SORCS1: variants seen among roughly 807,000 people sequenced by gnomAD.
SORCS1 encodes sortilin related VPS10 domain containing receptor 1, also known as VPS10 domain-containing receptor SorCS1.
SORCS1 carries 60 observed loss-of-function variants against 146.1 expected under a neutral mutation model. That is an observed-to-expected ratio of 0.41 (90% confidence interval 0.33 to 0.51). SORCS1 has a LOEUF of 0.51. SORCS1 is among the 20% of genes least tolerant of loss of function. The pLI, the probability that SORCS1 is intolerant of heterozygous loss-of-function variation, is 0.21. For synonymous variants in SORCS1, 637 were observed against 584.0 expected (o/e 1.09, Z -1.31); for missense variants, 1,352 against 1,487.6 (o/e 0.91, Z 1.50).
intron 3 of SORCS1, among the ~76,000 whole-genome samples, chr10:106,821,943 A>G (rs1948054500): frequency 6.6e-6 from 1 of 151,924 alleles, no homozygotes; most frequent in Non-Finnish European, 1.5e-5. Context: ...AAAAAAAAAA[A>G]GTACTTAATG....
At chr10:107,120,756 GA>G (rs1966355792) in intron 1 of SORCS1, among the ~76,000 whole-genome samples, 1 of 152,172 alleles carries the variant, frequency 6.6e-6, no homozygotes, top group Non-Finnish European at 1.5e-5. Context: ...TGCTACAACT[GA>G]AAATGCGGAA....
chr10:107,019,150 T>C lies in SORCS1; in HGVS notation c.559-62570A>G, dbSNP rs1476016458. ...CACATAAATATATGATGCAGACTAGTGGGTAAACTGTATTTGTAGATTGTA... is the reference window on the plus strand; with the variant it reads ...CACATAAATATATGATGCAGACTAGCGGGTAAACTGTATTTGTAGATTGTA... On this transcript the variant is annotated intron_variant, in intron 1 of 25. Coordinates refer to ENST00000263054, the MANE Select transcript of SORCS1 (RefSeq NM_052918.5). Among the ~76,000 whole-genome samples, 4 of 152,336 alleles carry C rather than the reference T, an allele frequency of 2.6e-5. No individual in the cohort carries two copies. In the East Asian group the frequency reaches 7.7e-4, roughly 29 times the overall value.
At position 107,093,074 on chromosome 10, in the gene SORCS1, T is replaced by C. The variant is rs145562002; in HGVS notation, c.558+70895A>G. Among the ~76,000 whole-genome samples, 27 of 152,284 alleles carry C rather than the reference T, an allele frequency of 1.8e-4. No individual in the cohort carries two copies. In the East Asian group the frequency reaches 5.2e-3, roughly 29 times the overall value. ...CAAAAGCCTCATGCAGCTTATGCTT[T>C]AGTGGAATTCTTCAAGATTCCATTG... On this transcript the variant is annotated intron_variant, in intron 1 of 25. Coordinates refer to ENST00000263054, the MANE Select transcript of SORCS1 (RefSeq NM_052918.5).
In SORCS1 at chr10:106,577,525, A is replaced by G; in HGVS notation, c.3402T>C (p.Pro1134=). The G allele has an allele frequency of 1.1e-6, 1 of 940,672 alleles. No individual in the cohort carries two copies. The highest frequency in any genetic ancestry group is 1.6e-6 in the Non-Finnish European group (1 of 621,960). 58.3% of individuals were successfully genotyped at this position (940,672 alleles called of 1,614,324 possible). ...RRVALPSPPS[P]STQPGDSSLR... ...GAGATGAGTCACCAGGTTGAGTAGAAGGGGAGGGAGGGGAGGGTAAAGCTA... is the reference window on the plus strand; with the variant it reads ...GAGATGAGTCACCAGGTTGAGTAGAGGGGGAGGGAGGGGAGGGTAAAGCTA... Residue 1134 remains proline (P), a synonymous_variant, in exon 26 of 26, where the codon CCT becomes CCC. Coordinates refer to ENST00000263054, the MANE Select transcript of SORCS1 (RefSeq NM_052918.5).
At chr10:106,778,285 A>G (rs1860617445) in intron 3 of SORCS1, among the ~76,000 whole-genome samples, 1 of 152,130 alleles carries the variant, frequency 6.6e-6, no homozygotes, top group African/African-American at 2.4e-5. Flanking sequence ...TGCTGTTGCT[A>G]TCAGCTACAC....
intron 18 of SORCS1, among the ~76,000 whole-genome samples, chr10:106,636,095 T>A (rs894531190): frequency 6.6e-6 from 1 of 151,666 alleles, no homozygotes; most frequent in Non-Finnish European, 1.5e-5. Flanking sequence ...AAAGTGAGAG[T>A]GCAAGTAAGA....
intron 3 of SORCS1, among the ~76,000 whole-genome samples, chr10:106,803,224 C>T (rs1335063079): frequency 6.6e-6 from 1 of 152,096 alleles, no homozygotes; most frequent in Non-Finnish European, 1.5e-5. Flanking sequence ...AAATGAAAAT[C>T]GTGGTTCAAG....
In SORCS1 at chr10:107,038,709, G is replaced by T. The variant is rs907171979; in HGVS notation, c.559-82129C>A. The stretch of plus-strand genomic sequence containing the variant: ...CTGGGCAGGGGGCGGGGGGGGAGGT[G>T]GTAGTGGTGAGGACTAAATGAGATA... On this transcript the variant is annotated intron_variant, in intron 1 of 25. Transcript: ENST00000263054. Among the ~76,000 whole-genome samples, 4 of 151,486 alleles carry T rather than the reference G, an allele frequency of 2.6e-5. 1 individual carries two copies. Among genetic ancestry groups the T allele is most frequent in the Non-Finnish European group, 5.9e-5 (4 of 67,906 alleles).
intron 1 of SORCS1, among the ~76,000 whole-genome samples, chr10:107,150,808 C>A (rs1036964343): frequency 3.3e-5 from 5 of 152,196 alleles, no homozygotes; most frequent in Non-Finnish European, 7.3e-5. Context: ...ACACTTCTCT[C>A]CCCTGCTGCC....
intron 16 of SORCS1, 90 bp downstream of exon 16, chr10:106,671,147 T>C: frequency 1.3e-6 from 2 of 1,559,518 alleles, no homozygotes; most frequent in Non-Finnish European, 1.7e-6. Flanking sequence ...GCCCTATGTA[T>C]GTTACTATTA....
intron 1 of SORCS1, among the ~76,000 whole-genome samples, chr10:107,157,649 A>C (rs1401864389): frequency 1.3e-5 from 2 of 152,240 alleles, no homozygotes; most frequent in Non-Finnish European, 2.9e-5. Context: ...CCGACAGAGC[A>C]TCCACGTCCT....
chr10:106,992,117 A>G (rs1956792939), intron 1 of SORCS1, among the ~76,000 whole-genome samples: 1 of 152,230 alleles, frequency 6.6e-6, no homozygotes, highest in Admixed American at 6.5e-5. Context: ...CAGGATCACA[A>G]TGGACAGGCT....
At chr10:106,615,447 T>G (rs889093657) in intron 21 of SORCS1, among the ~76,000 whole-genome samples, 2 of 152,210 alleles carry the variant, frequency 1.3e-5, no homozygotes, top group African/African-American at 4.8e-5. Flanking sequence ...TTCTTTCAGC[T>G]GGGTTCAATC....
intron 8 of SORCS1, among the ~76,000 whole-genome samples, chr10:106,700,492 C>G (rs561107280): frequency 2.6e-5 from 4 of 152,292 alleles, no homozygotes; most frequent in African/African-American, 9.6e-5. Flanking sequence ...GGTAGAAGAA[C>G]AACGTAGAAC....
chr10:107,164,647 G>T lies in SORCS1; in HGVS notation c.-121C>A. ...CCAACTCCATCCAAGTTGCGCCGCG[G>T]TGGGGGCGGGCGGAGGCGGCGCCGG... On this transcript the variant is annotated 5_prime_UTR_variant, in exon 1 of 26. Transcript: ENST00000263054. This position sits in a 1 kb window ranked among gnomAD's most constrained non-coding sequence, Gnocchi z 6.8. The T allele has an allele frequency of 1.2e-6, 1 of 816,350 alleles. No individual in the cohort carries two copies. The highest frequency in any genetic ancestry group is 1.7e-6 in the Non-Finnish European group (1 of 606,052). The allele number at this position is 816,350 out of a possible 1,614,324, so 50.6% of individuals were successfully genotyped here. A position where few individuals can be genotyped will look rare whatever the true frequency, so the allele number is the denominator to read the frequency against.
chr10:107,055,022 C>T (rs1256076060), intron 1 of SORCS1, among the ~76,000 whole-genome samples: 1 of 152,090 alleles, frequency 6.6e-6, no homozygotes, highest in Non-Finnish European at 1.5e-5. Context: ...ACCTCTGATC[C>T]AACAGAGAAT....
At chr10:106,611,548 C>T (rs1846989237) in intron 22 of SORCS1, among the ~76,000 whole-genome samples, 2 of 152,208 alleles carry the variant, frequency 1.3e-5, no homozygotes, top group South Asian at 4.1e-4. Context: ...AGTTCCTTCA[C>T]TGGCAGGTAC....
intron 1 of SORCS1, among the ~76,000 whole-genome samples, chr10:107,115,390 T>C (rs1428324094): frequency 6.6e-6 from 1 of 152,064 alleles, no homozygotes; most frequent in Non-Finnish European, 1.5e-5. Flanking sequence ...CTGTACGGTA[T>C]TGGCATAAAA....
intron 1 of SORCS1, among the ~76,000 whole-genome samples, chr10:107,022,257 G>A (rs1047457735): frequency 2.6e-5 from 4 of 151,994 alleles, no homozygotes; most frequent in South Asian, 2.1e-4. Context: ...GGTGAAGGCC[G>A]GGTTAATTAA....
Sources: allele counts gnomAD v4.1 joint callset (sites outside exome capture counted in the v4.1 genomes callset), GRCh38; gene constraint gnomAD v4.1.1; non-coding constraint Gnocchi (gnomAD v3.1); transcripts MANE v1.5; gene names NCBI Gene and HGNC (gene_info 2026-07-23, HGNC 2026-07-21).